BCLAF3: variants seen among roughly 807,000 people sequenced by gnomAD.
BCLAF3 encodes the protein transient octamer binding factor 1.
BCLAF3 carries 24 observed loss-of-function variants against 51.2 expected under a neutral mutation model. The observed-to-expected ratio is 0.47, with a 90% CI of 0.34 to 0.66. BCLAF3 has a LOEUF of 0.66. BCLAF3 is among the 30% of genes least tolerant of loss of function. The pLI, the probability that BCLAF3 is intolerant of heterozygous loss-of-function variation, is 0.01. For synonymous variants in BCLAF3, 152 were observed against 176.6 expected, an observed-to-expected ratio of 0.86 and a Z score of 1.10; for missense variants, 465 against 525.1, an observed-to-expected ratio of 0.89 and a Z score of 1.12.
chrX:19,924,750 C>T (rs1452091252), intron 11 of BCLAF3, among the ~76,000 whole-genome samples: 1 of 111,152 alleles, frequency 9.0e-6, no homozygotes. Context: ...GCCAAATGCG[C>T]AATTACTTAC....
intron 1 of BCLAF3, among the ~76,000 whole-genome samples, chrX:19,970,956 A>G (rs1000118738): frequency 8.9e-6 from 1 of 112,463 alleles, no homozygotes; most frequent in African/African-American, 3.2e-5. Context: ...ATCTGAATAC[A>G]AGCACTACTA....
intron 1 of BCLAF3, among the ~76,000 whole-genome samples, chrX:19,980,938 CAAA>C (rs758538366): frequency 2.0e-5 from 1 of 50,962 alleles, no homozygotes; most frequent in Admixed American, 2.6e-4. Context: ...GACTCCGTCT[CAAA>C]AAAAAAAAAA....
intron 11 of BCLAF3, among the ~76,000 whole-genome samples, chrX:19,921,001 G>A (rs1417619247): frequency 9.0e-6 from 1 of 111,190 alleles, no homozygotes; most frequent in Non-Finnish European, 1.9e-5. Flanking sequence ...AAAGAATGGG[G>A]CTCAGGAGGC....
At chrX:19,927,947 C>T (rs113323645) in intron 11 of BCLAF3, among the ~76,000 whole-genome samples, 2,405 of 108,014 alleles carry the variant, frequency 0.022, 73 homozygotes, top group African/African-American at 0.077. Context: ...ATGATCATGG[C>T]TCACTGCAGC....
intron 4 of BCLAF3, among the ~76,000 whole-genome samples, chrX:19,964,303 T>C (rs758304542): frequency 6.2e-5 from 7 of 112,186 alleles, no homozygotes; most frequent in Non-Finnish European, 1.1e-4. Flanking sequence ...GAAGTAATAT[T>C]CGTTAAGGAA....
At chrX:19,926,413 T>C (rs1445127393) in intron 11 of BCLAF3, among the ~76,000 whole-genome samples, 1 of 111,750 alleles carries the variant, frequency 8.9e-6, no homozygotes, top group Non-Finnish European at 1.9e-5. Context: ...GCCTGATTTC[T>C]GATTTCTATT....
intron 8 of BCLAF3, among the ~76,000 whole-genome samples, chrX:19,940,351 T>G (rs1208421268): frequency 9.1e-6 from 1 of 109,625 alleles, no homozygotes; most frequent in Admixed American, 9.7e-5. Context: ...TATGTATACA[T>G]GTGCCATGCT....
At chrX:19,978,322 T>G (rs2072495497) in intron 1 of BCLAF3, among the ~76,000 whole-genome samples, 1 of 112,011 alleles carries the variant, frequency 8.9e-6, no homozygotes, top group Admixed American at 9.5e-5. Context: ...CATTCATGAC[T>G]CATGGGAGGA....
chrX:19,956,907 G>A (rs891139690), intron 4 of BCLAF3, among the ~76,000 whole-genome samples: 6 of 111,746 alleles, frequency 5.4e-5, no homozygotes, highest in Admixed American at 9.5e-5. Flanking sequence ...ATGAGTGCAC[G>A]CATGCACATA....
At chrX:19,945,952 C>T (rs1396921731) in intron 8 of BCLAF3, among the ~76,000 whole-genome samples, 1 of 109,265 alleles carries the variant, frequency 9.2e-6, no homozygotes, top group African/African-American at 3.4e-5. Flanking sequence ...ACCCTCCGAG[C>T]CAGGTGTGGG....
rs776690270 is a variant in BCLAF3, at chrX:19,931,232, T to C, written c.1951-1292A>G. ...TGCTGGAGGTGGAAGAGGAAAACAG[T>C]CCTCAGTTTTGTCAGTCGTGAACCA... On this transcript the variant is annotated intron_variant, in intron 10 of 11. Transcript: ENST00000379682. Among the ~76,000 whole-genome samples the C allele has an allele frequency of 3.6e-5, 4 of 111,682 alleles. No individual in the cohort carries two copies. The Admixed American group carries it at 3.8e-4, about 11-fold the overall frequency.
intron 4 of BCLAF3, among the ~76,000 whole-genome samples, chrX:19,961,533 T>C (rs1232059952): frequency 8.9e-6 from 1 of 112,184 alleles, no homozygotes; most frequent in East Asian, 2.8e-4. Flanking sequence ...AGATAAACTC[T>C]CTAGATGTTA....
At chrX:19,983,548 T>A (rs2072691682) in intron 1 of BCLAF3, among the ~76,000 whole-genome samples, 1 of 105,773 alleles carries the variant, frequency 9.5e-6, no homozygotes, top group Non-Finnish European at 1.9e-5. Flanking sequence ...CCGTCTCCAC[T>A]AAAAATATAA....
rs1251621773 is a variant in BCLAF3 at position 19,933,424 on chromosome X, T to C, written c.1950+2385A>G. Among the ~76,000 whole-genome samples, 4 of 112,125 alleles carry C rather than the reference T, an allele frequency of 3.6e-5. No individual in the cohort carries two copies. In the East Asian group the frequency reaches 8.3e-4, roughly 23 times the overall value. The stretch of plus-strand genomic sequence containing the variant: ...TCATGAGCCATATTGGGAAAACAAA[T>C]GCGCAAATGATGTATTACAACGGAA... On this transcript the variant is annotated intron_variant, in intron 10 of 11. Transcript: ENST00000379682.
intron 10 of BCLAF3, 112 bp from the exon 11 acceptor site, chrX:19,930,052 G>T: frequency 1.4e-6 from 1 of 733,011 alleles, no homozygotes; most frequent in Non-Finnish European, 2.0e-6. Flanking sequence ...TGTAATCCCA[G>T]CACTTTGGGA....
intron 10 of BCLAF3, among the ~76,000 whole-genome samples, chrX:19,934,619 A>G (rs758670191): frequency 2.7e-5 from 3 of 112,208 alleles, no homozygotes; most frequent in Admixed American, 1.9e-4. Context: ...GACTCTCAAG[A>G]AGCCAATATT....
chrX:19,939,120 G>C (rs745337381), intron 8 of BCLAF3, among the ~76,000 whole-genome samples: 3 of 111,963 alleles, frequency 2.7e-5, no homozygotes, highest in African/African-American at 9.7e-5. Flanking sequence ...GATCAAAAGA[G>C]TAAAGTGCAA....
At chrX:19,955,335 C>T (rs2071625924) in intron 5 of BCLAF3, 56 bp downstream of exon 5, 1 of 928,588 alleles carries the variant, frequency 1.1e-6, no homozygotes, top group Admixed American at 3.2e-5. Flanking sequence ...ACCTGTATCT[C>T]GTGAATAGTA....
At chrX:19,957,031 G>T (rs750059660) in intron 4 of BCLAF3, among the ~76,000 whole-genome samples, 11 of 112,049 alleles carry the variant, frequency 9.8e-5, no homozygotes, top group Non-Finnish European at 1.9e-4. Context: ...ATGGTTTTGA[G>T]TGTCTATTTA....
Sources: gnomAD v4.1 joint callset for allele counts (sites outside exome capture counted in the v4.1 genomes callset) on GRCh38, gnomAD v4.1.1 for gene constraint, MANE v1.5 for transcripts, NCBI Gene and HGNC (gene_info 2026-07-23, HGNC 2026-07-21) for gene names.